NLGN4X: variants seen among roughly 807,000 people sequenced by gnomAD.
NLGN4X encodes neuroligin-4, X-linked.
NLGN4X carries 3 observed loss-of-function variants against 40.3 expected under a neutral mutation model. The observed-to-expected ratio is 0.07, with a 90% CI of 0.03 to 0.19. NLGN4X has a LOEUF of 0.19. Ranked by LOEUF, NLGN4X falls within the 10% of genes least tolerant of loss-of-function variation. The pLI is 1.00. For missense variants in NLGN4X, 382 were observed against 708.3 expected, an observed-to-expected ratio of 0.54 and a Z score of 5.23; for synonymous variants, 270 against 306.8, an observed-to-expected ratio of 0.88 and a Z score of 1.25.
chrX:5,904,610 C>A (rs191143785), intron 4 of NLGN4X, among the ~76,000 whole-genome samples: 20 of 111,996 alleles, frequency 1.8e-4, no homozygotes, highest in African/African-American at 6.2e-4. Context: ...AAAGCATGGG[C>A]AATTTTAGGA....
intron 1 of NLGN4X, among the ~76,000 whole-genome samples, chrX:6,211,837 C>T (rs4826714): frequency 0.12 from 13,675 of 111,513 alleles, 699 homozygotes; most frequent in African/African-American, 0.19. Flanking sequence ...CTATTAACTA[C>T]TAGCCTATGG....
intron 1 of NLGN4X, among the ~76,000 whole-genome samples, chrX:6,194,267 G>A (rs991169684): frequency 7.1e-5 from 8 of 112,103 alleles, no homozygotes; most frequent in East Asian, 5.6e-4. Flanking sequence ...TTATGTTTGC[G>A]TCAACTGAAC....
At chrX:6,008,096 A>C (rs913133257) in intron 3 of NLGN4X, among the ~76,000 whole-genome samples, 1 of 112,299 alleles carries the variant, frequency 8.9e-6, no homozygotes, top group African/African-American at 3.2e-5. Flanking sequence ...CTTCTATTTA[A>C]GAGGAAATTC....
intron 5 of NLGN4X, among the ~76,000 whole-genome samples, chrX:5,901,555 C>T (rs2146721926): frequency 9.0e-6 from 1 of 111,266 alleles, no homozygotes; most frequent in Non-Finnish European, 1.9e-5. Context: ...ATCCGCTCAG[C>T]AGAATATTGG....
chrX:5,956,191 T>TATATACACACATATATATA, intron 3 of NLGN4X, among the ~76,000 whole-genome samples: 1 of 108,152 alleles, frequency 9.2e-6, no homozygotes, highest in Non-Finnish European at 1.9e-5. Context: ...TATATGTGTG[T>TATATACACACATATATATA]ATATACACAC....
At chrX:5,966,725 T>A (rs2034845578) in intron 3 of NLGN4X, among the ~76,000 whole-genome samples, 1 of 111,238 alleles carries the variant, frequency 9.0e-6, no homozygotes, top group South Asian at 3.8e-4. Flanking sequence ...ACATAAAATG[T>A]TTACTGTAGT....
chrX:6,188,466 C>A (rs1465116086), intron 1 of NLGN4X, among the ~76,000 whole-genome samples: 1 of 111,315 alleles, frequency 9.0e-6, no homozygotes, highest in Non-Finnish European at 1.9e-5. Context: ...CCATTGTCTG[C>A]CTTTGAAATG....
intron 2 of NLGN4X, among the ~76,000 whole-genome samples, chrX:6,134,697 C>T (rs765205112): frequency 8.9e-6 from 1 of 112,468 alleles, no homozygotes; most frequent in Non-Finnish European, 1.9e-5. Flanking sequence ...TCCAATGACA[C>T]TTAATGTCGT....
intron 5 of NLGN4X, 46 bp downstream of exon 5, chrX:5,903,027 CACAA>C (rs773386288): frequency 8.4e-7 from 1 of 1,197,274 alleles, no homozygotes; most frequent in East Asian, 3.0e-5. Context: ...ATATTGAGGA[CACAA>C]ACAAGTGGCA....
At chrX:6,188,524 C>CA (rs1922281243) in intron 1 of NLGN4X, among the ~76,000 whole-genome samples, 1 of 103,176 alleles carries the variant, frequency 9.7e-6, no homozygotes, top group South Asian at 4.2e-4. Context: ...AAATACTGTC[C>CA]TTTTTTTTTT....
At chrX:6,126,162 TA>T (rs199601362) in intron 2 of NLGN4X, among the ~76,000 whole-genome samples, 4,395 of 100,794 alleles carry the variant, frequency 0.044, 108 homozygotes, top group Non-Finnish European at 0.062. Flanking sequence ...AAACATTTTT[TA>T]AAAACTTAGA....
In NLGN4X at chrX:5,903,069, G is replaced by A; in HGVS notation, c.1601+8C>T. ...GATAGTGATACCCCAACACGAAGAT[G>A]AACGTACCCAGTTTTGGCGAAGTTC... On this transcript the variant is annotated splice_region_variant and intron_variant, in intron 5 of 5. Transcript: ENST00000381095. 8.3e-7 allele frequency: 1 copy of A among 1,211,516 alleles called. No homozygotes were observed. The highest frequency in any genetic ancestry group is 1.1e-6 in the Non-Finnish European group (1 of 895,018).
At chrX:6,156,987 T>C (rs770665068) in intron 1 of NLGN4X, among the ~76,000 whole-genome samples, 8 of 111,316 alleles carry the variant, frequency 7.2e-5, no homozygotes, top group African/African-American at 9.8e-5. Flanking sequence ...TATTAAGCAA[T>C]TGGAGAGTAA....
At chrX:6,147,504 C>T (rs901523941) in intron 2 of NLGN4X, among the ~76,000 whole-genome samples, 1 of 112,130 alleles carries the variant, frequency 8.9e-6, no homozygotes, top group Non-Finnish European at 1.9e-5. Context: ...ACGAACTGTA[C>T]TGCCATCCCC....
At chrX:5,923,492 A>G (rs2033152615) in intron 3 of NLGN4X, among the ~76,000 whole-genome samples, 1 of 112,455 alleles carries the variant, frequency 8.9e-6, no homozygotes, top group Non-Finnish European at 1.9e-5. Flanking sequence ...TTTACAAAAG[A>G]AACAGGTTTA....
intron 3 of NLGN4X, among the ~76,000 whole-genome samples, chrX:5,982,744 G>T (rs191569580): frequency 2.7e-4 from 30 of 112,175 alleles, no homozygotes; most frequent in African/African-American, 9.7e-4. Context: ...CGTGGTCCCA[G>T]CTACTGGGGA....
At chrX:6,042,730 T>TATATACATACACAC (rs1215396694) in intron 2 of NLGN4X, among the ~76,000 whole-genome samples, 1 of 20,149 alleles carries the variant, frequency 5.0e-5, no homozygotes, top group Non-Finnish European at 9.1e-5. Context: ...TATATATATA[T>TATATACATACACAC]ACACACACAC....
intron 2 of NLGN4X, among the ~76,000 whole-genome samples, chrX:6,102,775 GATAC>G (rs1440478809): frequency 9.0e-6 from 1 of 110,542 alleles, no homozygotes; most frequent in Non-Finnish European, 1.9e-5. Flanking sequence ...TACATACATA[GATAC>G]ATAGAGATGA....
At chrX:6,138,002 C>A (rs1478055826) in intron 2 of NLGN4X, among the ~76,000 whole-genome samples, 1 of 111,487 alleles carries the variant, frequency 9.0e-6, no homozygotes, top group African/African-American at 3.3e-5. Context: ...TAAACAGACT[C>A]CTGGCTTGGC....
Sources: gnomAD v4.1 joint callset for allele counts (sites outside exome capture counted in the v4.1 genomes callset) on GRCh38, gnomAD v4.1.1 for gene constraint, MANE v1.5 for transcripts, NCBI Gene and HGNC (gene_info 2026-07-23, HGNC 2026-07-21) for gene names.